The following GCGR variants were observed in gnomAD, a reference collection of about 807,000 sequenced individuals.
The protein encoded by GCGR is glucagon receptor.
GCGR carries 41 observed loss-of-function variants against 56.1 expected under a neutral mutation model. The observed-to-expected ratio is 0.73, with a 90% CI of 0.57 to 0.95. GCGR has a LOEUF of 0.95. Among genes scored for constraint, GCGR ranks in the 40% least tolerant of loss-of-function variants. The pLI is 0.00. For synonymous variants in GCGR, 278 were observed against 271.1 expected, an observed-to-expected ratio of 1.03 and a Z score of -0.25; for missense variants, 595 against 638.2, an observed-to-expected ratio of 0.93 and a Z score of 0.73.
At position 81,811,181 on chromosome 17, in the gene GCGR, G is replaced by A; in HGVS notation, c.394-41G>A. ...GTGGGGCTGGATGGGAACGGGCATG[G>A]GGGCCCCTGCCTGGCCCTCACAGGC... is the stretch of plus-strand genomic sequence containing the variant. On this transcript the variant is annotated intron_variant, in intron 5 of 13. Coordinates refer to ENST00000400723, the MANE Select transcript of GCGR (RefSeq NM_000160.5). This position sits in a 1 kb window ranked among gnomAD's most constrained non-coding sequence, Gnocchi z 5.8. The A allele has an allele frequency of 6.5e-7, 1 of 1,536,070 alleles. No homozygotes were observed. The highest frequency in any genetic ancestry group is 8.7e-7 in the Non-Finnish European group (1 of 1,146,780).
Position 81,812,349 on chromosome 17 carries a change from TGGGA to T in GCGR, c.948+103_948+106del. On this transcript the variant is annotated intron_variant, in intron 10 of 13. Coordinates refer to ENST00000400723, the MANE Select transcript of GCGR (RefSeq NM_000160.5). This position sits in a 1 kb window ranked among gnomAD's most constrained non-coding sequence, Gnocchi z 8.5. ...ACAGCAGCATCCTGTCTGAGAGCGC[TGGGA>T]GGGAGCCGGCACCCAGACAGGACAC... The T allele has an allele frequency of 7.2e-7, 1 of 1,391,274 alleles. No individual in the cohort carries two copies. The highest frequency in any genetic ancestry group is 1.2e-5 in the South Asian group (1 of 80,602). 86.2% of individuals were successfully genotyped at this position (1,391,274 alleles called of 1,614,324 possible). A position where few individuals can be genotyped will look rare whatever the true frequency, so the allele number is the denominator to read the frequency against.
At position 81,813,643 on chromosome 17, in the gene GCGR, C is replaced by T. The variant is rs1220319020; in HGVS notation, c.1388C>T (p.Thr463Ile). The change falls in exon 14 of 14, where the codon ACC (threonine) becomes ATC (isoleucine). Residue 463 changes from threonine (T) to isoleucine (I), a missense_variant. Physicochemically the swap from Thr to Ile is moderately conservative, Grantham distance 89. Coordinates refer to ENST00000400723, the MANE Select transcript of GCGR (RefSeq NM_000160.5). This position sits in a 1 kb window ranked among gnomAD's most constrained non-coding sequence, Gnocchi z 5.3. ...GGCAGCCAGGATTCATCTGCGGAGA[C>T]CCCCTTGGCTGGTGGCCTCCCTAGA... Reference protein sequence around the residue: ...GGGSQDSSAETPLAGGLPRLA... With the variant: ...GGGSQDSSAEIPLAGGLPRLA... The T allele has an allele frequency of 6.5e-7, 1 of 1,536,222 alleles. No individual in the cohort carries two copies. Among genetic ancestry groups the T allele is most frequent in the African/African-American group, 1.4e-5 (1 of 73,138 alleles).
In GCGR at chr17:81,804,777, A is replaced by G. The variant is rs2037915583; in HGVS notation, c.-178+528A>G. 6.6e-6 allele frequency among the ~76,000 whole-genome samples: 1 copy of G among 151,980 alleles called. No homozygotes were observed. Among genetic ancestry groups the G allele is most frequent in the South Asian group, 2.1e-4 (1 of 4,830 alleles). On this transcript the variant is annotated intron_variant, in intron 1 of 13. Coordinates refer to ENST00000400723, the MANE Select transcript of GCGR (RefSeq NM_000160.5). This position sits in a 1 kb window ranked among gnomAD's most constrained non-coding sequence, Gnocchi z 8.2. ...TGGCCGCTCCTCTTCCGCGGCCCAC[A>G]CTGGCGACTTTGACCCCGGCAAGCG...
At position 81,809,725 on chromosome 17, in the gene GCGR, G is replaced by GCC; in HGVS notation, c.61-57_61-56insCC. 7 of 1,364,906 alleles carry GCC rather than the reference G, an allele frequency of 5.1e-6. No individual in the cohort carries two copies. The South Asian group carries it at 8.8e-5, about 17-fold the overall frequency. The allele number at this position is 1,364,906 out of a possible 1,614,324, so 84.5% of individuals were successfully genotyped here. ...TGCCTGTCTGCCTGTCTGTCTGCCTGTCTGTCTGCCTGCCTGTCTGTCTGT... is the reference window on the plus strand; with the variant it reads ...TGCCTGTCTGCCTGTCTGTCTGCCTGCCTCTGTCTGCCTGCCTGTCTGTCTGT... On this transcript the variant is annotated intron_variant, in intron 2 of 13. Transcript: ENST00000400723.
chr17:81,804,340 C>A lies in GCGR; in HGVS notation c.-178+91C>A, dbSNP rs1247457066. 1 of 151,898 alleles carries A rather than the reference C, an allele frequency of 6.6e-6. No homozygotes were observed. The highest frequency in any genetic ancestry group is 1.5e-5 in the Non-Finnish European group (1 of 67,740). 9.4% of individuals were successfully genotyped at this position (151,898 alleles called of 1,614,324 possible). On this transcript the variant is annotated intron_variant, in intron 1 of 13. Transcript: ENST00000400723. The surrounding 1 kb of genome is among the most constrained non-coding windows in gnomAD (Gnocchi z 8.2). Reference sequence around the variant, plus strand: ...GGGGCGGGCGCGGCGGGGCCGGGGGCGCGGGGAGCGGGGAGCCGGCCGGGC... The same window carrying A: ...GGGGCGGGCGCGGCGGGGCCGGGGGAGCGGGGAGCGGGGAGCCGGCCGGGC...
chr17:81,809,956 G>T, intron 3 of GCGR, 72 bp downstream of exon 3: 1 of 1,190,970 alleles, frequency 8.4e-7, no homozygotes, highest in Non-Finnish European at 1.2e-6. Flanking sequence ...TCATGGGAAG[G>T]TTCCTGGGTG....
At chr17:81,807,953 A>G (rs2143106841) in intron 1 of GCGR, among the ~76,000 whole-genome samples, 1 of 152,250 alleles carries the variant, frequency 6.6e-6, no homozygotes, top group East Asian at 1.9e-4. Flanking sequence ...CCCCCACCCT[A>G]GGCCAGCTCC....
Position 81,804,972 on chromosome 17 carries a change from G to T in GCGR, c.-178+723G>T, listed in dbSNP as rs2037923017. Reference sequence around the variant, plus strand: ...TGCCCTTGGTATTGGGGACATCAGGGTTGGGGGGTCTGGGTGCACCCACGC... The same window carrying T: ...TGCCCTTGGTATTGGGGACATCAGGTTTGGGGGGTCTGGGTGCACCCACGC... On this transcript the variant is annotated intron_variant, in intron 1 of 13. Transcript: ENST00000400723. The surrounding 1 kb of genome is among the most constrained non-coding windows in gnomAD (Gnocchi z 8.2). The T allele has an allele frequency of 6.5e-6, 1 of 152,788 alleles. No homozygotes were observed. The highest frequency in any genetic ancestry group is 1.5e-5 in the Non-Finnish European group (1 of 68,540). 9.5% of individuals were successfully genotyped at this position (152,788 alleles called of 1,614,324 possible).
In GCGR at chr17:81,812,231, C is replaced by T. The variant is rs1452748885; in HGVS notation, c.927C>T (p.Phe309=). 2.6e-6 allele frequency: 4 copies of T among 1,535,830 alleles called. No individual in the cohort carries two copies. The highest frequency in any genetic ancestry group is 2.0e-5 in the Admixed American group (1 of 50,986). ...DNMGFWWILR[F]PVFLAILINF... ...TGGGCTTCTGGTGGATCCTGCGGTTCCCCGTCTTCCTGGCCATCCTGGTGA... is the reference window on the plus strand; with the variant it reads ...TGGGCTTCTGGTGGATCCTGCGGTTTCCCGTCTTCCTGGCCATCCTGGTGA... Residue 309 remains phenylalanine (F), a synonymous_variant, in exon 10 of 14, where the codon TTC becomes TTT. Transcript: ENST00000400723. This position sits in a 1 kb window ranked among gnomAD's most constrained non-coding sequence, Gnocchi z 8.5.
chr17:81,811,552 A>C lies in GCGR; in HGVS notation c.649A>C (p.Ser217Arg), dbSNP rs1364149168. The C allele has an allele frequency of 6.5e-7, 1 of 1,536,376 alleles. No individual in the cohort carries two copies. The highest frequency in any genetic ancestry group is 1.4e-5 in the African/African-American group (1 of 73,172). Residue 217 changes from serine (S) to arginine (R), a missense_variant, in exon 7 of 14, where the codon AGT becomes CGT. Physicochemically the swap from Ser to Arg is moderately radical, Grantham distance 110 (BLOSUM62 -1). Transcript: ENST00000400723. The surrounding 1 kb of genome is among the most constrained non-coding windows in gnomAD (Gnocchi z 5.8). Reference sequence around the variant, plus strand: ...CGACCTCAGTGTCAGCACCTGGCTCAGTGATGGAGTGAGCCCCCCTCGGCG... The same window carrying C: ...CGACCTCAGTGTCAGCACCTGGCTCCGTGATGGAGTGAGCCCCCCTCGGCG... ...GDDLSVSTWL[S>R]DGAVAGCRVA...
chr17:81,805,670 C>T (rs1325063931), intron 1 of GCGR, among the ~76,000 whole-genome samples: 1 of 151,126 alleles, frequency 6.6e-6, no homozygotes, highest in African/African-American at 2.4e-5. Context: ...GGAACCCCCA[C>T]ATTGGGCACC....
rs2038085242 is a variant in GCGR at position 81,811,041 on chromosome 17, G to A, written c.303G>A (p.Gly101=). 2 of 1,536,184 alleles carry A rather than the reference G, an allele frequency of 1.3e-6. No individual in the cohort carries two copies. Among genetic ancestry groups the A allele is most frequent in the Middle Eastern group, 1.7e-4 (1 of 5,990 alleles). The part of the protein sequence containing the change: ...VQHRFVFKRC[G]PDGQWVRGPR... ...ACCGCTTCGTGTTCAAGAGATGCGGGCCCGACGGTCAGTGGGTGCGTGGAC... is the reference window on the plus strand; with the variant it reads ...ACCGCTTCGTGTTCAAGAGATGCGGACCCGACGGTCAGTGGGTGCGTGGAC... The change falls in exon 5 of 14, where the codon GGG becomes GGA. Residue 101 remains glycine, a synonymous_variant. Transcript: ENST00000400723. This position sits in a 1 kb window ranked among gnomAD's most constrained non-coding sequence, Gnocchi z 5.8.
rs536955676 is a variant in GCGR, at chr17:81,806,341, C to T, written c.-178+2092C>T. ...TCAGAGGCCCTGACCCCTAGGGATC[C>T]GGGACTAGGGGTGCCCTATGGGGAG... On this transcript the variant is annotated intron_variant, in intron 1 of 13. Transcript: ENST00000400723. The surrounding 1 kb of genome is among the most constrained non-coding windows in gnomAD (Gnocchi z 6.5). 2.0e-5 allele frequency among the ~76,000 whole-genome samples: 3 copies of T among 152,272 alleles called. No homozygotes were observed. Among genetic ancestry groups the T allele is most frequent in the African/African-American group, 4.8e-5 (2 of 41,556 alleles).
At chr17:81,809,516 T>C (rs574804789) in intron 2 of GCGR, among the ~76,000 whole-genome samples, 191 of 146,744 alleles carry the variant, frequency 1.3e-3, no homozygotes, top group African/African-American at 4.4e-3. Context: ...CCTGCCTGTC[T>C]GCCTGCCTGT....
chr17:81,805,645 C>A (rs895214036), intron 1 of GCGR, among the ~76,000 whole-genome samples: 3 of 148,534 alleles, frequency 2.0e-5, no homozygotes, highest in Admixed American at 6.7e-5. Flanking sequence ...GGGAACCCCC[C>A]TATTGGGCAC....
At position 81,811,487 on chromosome 17, in the gene GCGR, A is replaced by C; in HGVS notation, c.584A>C (p.Asp195Ala). Residue 195 changes from aspartate (D) to alanine (A), a missense_variant, in exon 7 of 14, where the codon GAT (aspartate) becomes GCT (alanine). Transcript: ENST00000400723. This position sits in a 1 kb window ranked among gnomAD's most constrained non-coding sequence, Gnocchi z 5.8. ...VLKASSVLVIDGLLRTRYSQK... is the reference protein window; with the variant it reads ...VLKASSVLVIAGLLRTRYSQK... The stretch of plus-strand genomic sequence containing the variant: ...AAAGCCAGCTCCGTGCTGGTCATTG[A>C]TGGGCTGCTCAGGACCCGCTACAGC... The C allele has an allele frequency of 6.5e-7, 1 of 1,536,626 alleles. No individual in the cohort carries two copies. The highest frequency in any genetic ancestry group is 8.7e-7 in the Non-Finnish European group (1 of 1,146,856).
Position 81,811,695 on chromosome 17 carries a change from C to T in GCGR, c.702C>T (p.Gly234=), listed in dbSNP as rs1322136348. ...CRVAAVFMQY[G]IVANYCWLLV... ...TGGCCGCGGTGTTCATGCAATATGGCATCGTGGCCAACTACTGCTGGCTGC... is the reference window on the plus strand; with the variant it reads ...TGGCCGCGGTGTTCATGCAATATGGTATCGTGGCCAACTACTGCTGGCTGC... The change falls in exon 8 of 14, where the codon GGC becomes GGT. Residue 234 remains glycine (G), a synonymous_variant. Transcript: ENST00000400723. This position sits in a 1 kb window ranked among gnomAD's most constrained non-coding sequence, Gnocchi z 5.8. 1.9e-6 allele frequency: 3 copies of T among 1,542,200 alleles called. No homozygotes were observed. The highest frequency in any genetic ancestry group is 2.6e-6 in the Non-Finnish European group (3 of 1,150,330).
rs1285151882 is a variant in GCGR, at chr17:81,809,790, C to T, written c.69C>T (p.Val23=). The T allele has an allele frequency of 7.2e-6, 11 of 1,535,932 alleles. No individual in the cohort carries two copies. The highest frequency in any genetic ancestry group is 2.0e-5 in the Admixed American group (1 of 50,964). Residue 23 remains valine (V), a synonymous_variant, in exon 3 of 14, where the codon GTC becomes GTT. Transcript: ENST00000400723. ...GTGCATGTGTCCCCCAGCCACAGGT[C>T]CCCTCCGCTCAGGTGATGGACTTCC... is the stretch of plus-strand genomic sequence containing the variant. ...LLLLLACQPQ[V]PSAQVMDFLF...
rs1449281108 is a variant in GCGR at position 81,812,432 on chromosome 17, T to G, written c.949-145T>G. The G allele has an allele frequency of 4.9e-6, 5 of 1,030,462 alleles. No homozygotes were observed. The highest frequency in any genetic ancestry group is 5.6e-6 in the Non-Finnish European group (4 of 711,112). 63.8% of individuals were successfully genotyped at this position (1,030,462 alleles called of 1,614,324 possible). On this transcript the variant is annotated intron_variant, in intron 10 of 13. Coordinates refer to ENST00000400723, the MANE Select transcript of GCGR (RefSeq NM_000160.5). This position sits in a 1 kb window ranked among gnomAD's most constrained non-coding sequence, Gnocchi z 8.5. ...GAGCCAGGCTGTTCCTCCCTGGCTGTGTGCCCACCAGCCCCAGGGCTATGT... is the reference window on the plus strand; with the variant it reads ...GAGCCAGGCTGTTCCTCCCTGGCTGGGTGCCCACCAGCCCCAGGGCTATGT...
Sources: allele counts gnomAD v4.1 joint callset (sites outside exome capture counted in the v4.1 genomes callset), GRCh38; gene constraint gnomAD v4.1.1; non-coding constraint Gnocchi (gnomAD v3.1); transcripts MANE v1.5; gene names NCBI Gene and HGNC (gene_info 2026-07-23, HGNC 2026-07-21).